Variants in TRIM5 observed in about 807,000 individuals in gnomAD.
The protein encoded by TRIM5 is tripartite motif containing 5, also known as tripartite motif-containing protein 5.
In TRIM5, 31 loss-of-function variants were observed where a neutral mutation model predicts 35.6. That is an observed-to-expected ratio of 0.87 (90% CI 0.65 to 1.18). The LOEUF is 1.18. Ranked by LOEUF, TRIM5 falls within the 50% of genes most tolerant of loss-of-function variation. The pLI is 0.00. For missense variants in TRIM5, 609 were observed against 591.6 expected, an observed-to-expected ratio of 1.03 and a Z score of -0.31; for synonymous variants, 243 against 215.6, an observed-to-expected ratio of 1.13 and a Z score of -1.11.
the TRIM5 span, among the ~76,000 whole-genome samples, chr11:5,652,342 A>G: frequency 6.6e-6 from 1 of 152,164 alleles, no homozygotes; most frequent in African/African-American, 2.4e-5. Context: ...TGACTTTTGT[A>G]TATGATATAA....
At chr11:5,631,642 C>A in the TRIM5 span, among the ~76,000 whole-genome samples, 1 of 152,144 alleles carries the variant, frequency 6.6e-6, no homozygotes, top group East Asian at 1.9e-4. Flanking sequence ...GCGAGCACTT[C>A]TTCACTGGAA....
chr11:5,594,441 T>G, the TRIM5 span, among the ~76,000 whole-genome samples: 1 of 152,010 alleles, frequency 6.6e-6, no homozygotes, highest in South Asian at 2.1e-4. Flanking sequence ...TCCCAAGTAA[T>G]TGGGACTACA....
chr11:5,665,175 G>C lies in TRIM5; in HGVS notation c.1116C>G (p.Ile372Met), dbSNP rs780862201. ...EVDVSKKTAW[I>M]LGVCAGFQPD... ...GTTGGAAGCCAGCACATACCCCCAG[G>C]ATCCAAGCAGTTTTCTTGGACACGT... is the stretch of plus-strand genomic sequence containing the variant. The change falls in exon 8 of 8, where the codon ATC (isoleucine) becomes ATG (methionine). Residue 372 changes from isoleucine (I) to methionine (M), a missense_variant. Coordinates refer to ENST00000380034, the MANE Select transcript of TRIM5 (RefSeq NM_033034.3). 3.1e-6 allele frequency: 5 copies of C among 1,613,900 alleles called. No homozygotes were observed. Among genetic ancestry groups the C allele is most frequent in the Non-Finnish European group, 3.4e-6 (4 of 1,179,982 alleles).
the TRIM5 span, chr11:5,610,483 A>T: frequency 6.2e-7 from 1 of 1,613,692 alleles, no homozygotes; most frequent in Non-Finnish European, 8.5e-7. Context: ...GAGATACCAG[A>T]CATGAGACAG....
chr11:5,622,764 G>A, the TRIM5 span, among the ~76,000 whole-genome samples: 198 of 152,326 alleles, frequency 1.3e-3, no homozygotes, highest in Middle Eastern at 0.01. Flanking sequence ...TCTGTCTGAT[G>A]CTTTACTATT....
At chr11:5,596,698 G>A in the TRIM5 span, 2 of 776,968 alleles carry the variant, frequency 2.6e-6, no homozygotes, top group Non-Finnish European at 4.1e-6. Flanking sequence ...CCGTTCAACG[G>A]CCAAAGGCTG....
At chr11:5,648,471 A>T in the TRIM5 span, among the ~76,000 whole-genome samples, 1 of 152,090 alleles carries the variant, frequency 6.6e-6, no homozygotes, top group Non-Finnish European at 1.5e-5. Flanking sequence ...GCGCCACTGC[A>T]CTCCAGCCTG....
chr11:5,640,834 G>A, the TRIM5 span, among the ~76,000 whole-genome samples: 2 of 151,958 alleles, frequency 1.3e-5, no homozygotes, highest in African/African-American at 4.8e-5. Context: ...CATGTTTTAG[G>A]CCTATTCATA....
the TRIM5 span, among the ~76,000 whole-genome samples, chr11:5,592,838 G>C: frequency 1.3e-5 from 2 of 149,060 alleles, no homozygotes; most frequent in Admixed American, 1.4e-4. Flanking sequence ...GATCACTTGA[G>C]CCCGAGAGTT....
At chr11:5,640,977 A>C in the TRIM5 span, among the ~76,000 whole-genome samples, 1 of 152,022 alleles carries the variant, frequency 6.6e-6, no homozygotes, top group Non-Finnish European at 1.5e-5. Context: ...TAAGGTCAGT[A>C]GTAATATCCC....
At chr11:5,670,729 G>T (rs951983493) in intron 4 of TRIM5, among the ~76,000 whole-genome samples, 1 of 152,018 alleles carries the variant, frequency 6.6e-6, no homozygotes, top group Non-Finnish European at 1.5e-5. Flanking sequence ...TGCCTTGAGG[G>T]GATTGAACAT....
At chr11:5,630,238 G>T in the TRIM5 span, among the ~76,000 whole-genome samples, 1 of 152,314 alleles carries the variant, frequency 6.6e-6, no homozygotes, top group East Asian at 1.9e-4. Flanking sequence ...CCAGGGGATG[G>T]TGATGGCGAT....
the TRIM5 span, among the ~76,000 whole-genome samples, chr11:5,614,505 A>G: frequency 6.6e-6 from 1 of 152,260 alleles, no homozygotes; most frequent in Non-Finnish European, 1.5e-5. Context: ...GCAATCATGT[A>G]CAATCAAATT....
At chr11:5,634,207 G>A in the TRIM5 span, among the ~76,000 whole-genome samples, 1 of 152,028 alleles carries the variant, frequency 6.6e-6, no homozygotes. Flanking sequence ...AAAGGACTAT[G>A]GTTTTCCTCA....
the TRIM5 span, among the ~76,000 whole-genome samples, chr11:5,656,164 T>G: frequency 6.6e-6 from 1 of 152,072 alleles, no homozygotes; most frequent in Non-Finnish European, 1.5e-5. Context: ...GGGATCTAAT[T>G]AAACAAAAGC....
chr11:5,682,803 A>T (rs923233300), intron 1 of TRIM5, among the ~76,000 whole-genome samples: 1 of 152,080 alleles, frequency 6.6e-6, no homozygotes, highest in Non-Finnish European at 1.5e-5. Context: ...TGCAGCCCTC[A>T]CTCGCTCTTG....
At position 5,663,410 on chromosome 11, in the gene TRIM5, C is replaced by T. The variant is rs1240200191; in HGVS notation, c.*1399G>A. ...GAAGGCAGAATTGAAGTCATTTTGA[C>T]AGTAGTATCTGAGATCTAAAAAATG... On this transcript the variant is annotated 3_prime_UTR_variant, in exon 8 of 8. Transcript: ENST00000380034. The T allele has an allele frequency of 2.0e-6, 2 of 982,922 alleles. No individual in the cohort carries two copies. The highest frequency in any genetic ancestry group is 3.5e-5 in the African/African-American group (2 of 57,168). The allele number at this position is 982,922 out of a possible 1,614,324, so 60.9% of individuals were successfully genotyped here. A position where few individuals can be genotyped will look rare whatever the true frequency, so the allele number is the denominator to read the frequency against.
chr11:5,601,691 G>A, the TRIM5 span, among the ~76,000 whole-genome samples: 1 of 152,202 alleles, frequency 6.6e-6, no homozygotes, highest in African/African-American at 2.4e-5. Context: ...CCGGGAGGCA[G>A]AGGTTGCAGT....
chr11:5,677,243 A>C (rs550570608), intron 4 of TRIM5, among the ~76,000 whole-genome samples: 5,601 of 152,104 alleles, frequency 0.037, 251 homozygotes, highest in African/African-American at 0.11. Context: ...CAATGAACTC[A>C]AACAAATTTA....
Sources: gnomAD v4.1 joint callset for allele counts (sites outside exome capture counted in the v4.1 genomes callset) on GRCh38, gnomAD v4.1.1 for gene constraint, MANE v1.5 for transcripts, NCBI Gene and HGNC (gene_info 2026-07-23, HGNC 2026-07-21) for gene names.